The following KANSL1L variants were observed in gnomAD, a reference collection of about 807,000 sequenced individuals.
KANSL1L encodes the protein KAT8 regulatory NSL complex subunit 1 like, also known as KAT8 regulatory NSL complex subunit 1-like protein.
A neutral mutation model predicts 108.6 loss-of-function variants in KANSL1L; 25 were observed. That is an observed-to-expected ratio of 0.23 (90% CI 0.17 to 0.32). KANSL1L has a LOEUF of 0.32. Among genes scored for constraint, KANSL1L ranks in the 10% least tolerant of loss-of-function variants. The pLI, the probability that KANSL1L is intolerant of heterozygous loss-of-function variation, is 1.00. For missense variants in KANSL1L, 1,137 were observed against 1,125.7 expected (o/e 1.01, Z -0.14); for synonymous variants, 405 against 395.1 (o/e 1.03, Z -0.30).
intron 3 of KANSL1L, among the ~76,000 whole-genome samples, chr2:210,128,725 A>C (rs997043095): frequency 1.3e-5 from 2 of 152,160 alleles, no homozygotes; most frequent in African/African-American, 4.8e-5. Context: ...TACACTCAAA[A>C]ATGGTTAAGA....
intron 4 of KANSL1L, among the ~76,000 whole-genome samples, chr2:210,102,850 C>A (rs576790993): frequency 1.3e-5 from 2 of 152,178 alleles, no homozygotes; most frequent in Non-Finnish European, 2.9e-5. Context: ...GAAATAGGAA[C>A]ACTTTTACAC....
At chr2:210,133,804 C>T (rs572566606) in intron 2 of KANSL1L, among the ~76,000 whole-genome samples, 79 of 152,206 alleles carry the variant, frequency 5.2e-4, no homozygotes, top group African/African-American at 1.6e-3. Context: ...TCTTCATCCA[C>T]GAGTTATTTG....
At chr2:210,168,286 C>G (rs1688106615) in intron 1 of KANSL1L, among the ~76,000 whole-genome samples, 1 of 152,060 alleles carries the variant, frequency 6.6e-6, no homozygotes, top group African/African-American at 2.4e-5. Context: ...AAGAAAGCAG[C>G]TCTCTGCCTC....
chr2:210,109,970 C>A (rs2094888530), intron 3 of KANSL1L, among the ~76,000 whole-genome samples: 1 of 152,086 alleles, frequency 6.6e-6, no homozygotes, highest in South Asian at 2.1e-4. Context: ...TAAGTCTTGG[C>A]CAGTAAAAGG....
intron 2 of KANSL1L, among the ~76,000 whole-genome samples, chr2:210,136,955 C>T: frequency 6.6e-6 from 1 of 152,102 alleles, no homozygotes; most frequent in Non-Finnish European, 1.5e-5. Context: ...CCAGACCACA[C>T]AATACCTAAG....
intron 4 of KANSL1L, among the ~76,000 whole-genome samples, chr2:210,103,162 T>C (rs965799176): frequency 2.0e-5 from 3 of 152,168 alleles, no homozygotes; most frequent in African/African-American, 4.8e-5. Flanking sequence ...TTCATGTCCT[T>C]TGTAGGGACA....
At chr2:210,142,286 A>G (rs955165578) in intron 2 of KANSL1L, among the ~76,000 whole-genome samples, 1 of 152,076 alleles carries the variant, frequency 6.6e-6, no homozygotes, top group African/African-American at 2.4e-5. Context: ...TTGTTGGCAT[A>G]GAGATGTTGC....
At chr2:210,059,636 G>A (rs1257884362) in intron 6 of KANSL1L, among the ~76,000 whole-genome samples, 13 of 152,160 alleles carry the variant, frequency 8.5e-5, no homozygotes, top group Admixed American at 3.9e-4. Flanking sequence ...AGAAGTCCCT[G>A]GAGTACAGAA....
chr2:210,136,883 C>T (rs2095178605), intron 2 of KANSL1L, among the ~76,000 whole-genome samples: 1 of 152,140 alleles, frequency 6.6e-6, no homozygotes, highest in Admixed American at 6.6e-5. Flanking sequence ...ACAATATATG[C>T]ACTTCTGTAT....
intron 5 of KANSL1L, among the ~76,000 whole-genome samples, chr2:210,077,211 C>T (rs1489711369): frequency 6.6e-6 from 1 of 152,062 alleles, no homozygotes; most frequent in Non-Finnish European, 1.5e-5. Context: ...TGATTATGCA[C>T]TACTGGCCAG....
intron 2 of KANSL1L, among the ~76,000 whole-genome samples, chr2:210,141,690 T>C (rs2095230460): frequency 6.6e-6 from 1 of 152,196 alleles, no homozygotes; most frequent in Non-Finnish European, 1.5e-5. Flanking sequence ...TGCCACTAAA[T>C]TGGATGTTAA....
intron 6 of KANSL1L, among the ~76,000 whole-genome samples, chr2:210,058,244 C>A (rs560190710): frequency 8.7e-4 from 132 of 152,268 alleles, no homozygotes; most frequent in African/African-American, 3.0e-3. Flanking sequence ...ATGAAATAAG[C>A]CCCAGTCTCC....
chr2:210,093,004 A>G (rs767857558), intron 5 of KANSL1L, among the ~76,000 whole-genome samples: 1 of 152,070 alleles, frequency 6.6e-6, no homozygotes, highest in Non-Finnish European at 1.5e-5. Flanking sequence ...GGGGAAAGGG[A>G]AACAGTTTTA....
chr2:210,048,683 TCATTTCTA>T (rs1404244193), intron 6 of KANSL1L, among the ~76,000 whole-genome samples: 2 of 152,142 alleles, frequency 1.3e-5, no homozygotes, highest in Non-Finnish European at 2.9e-5. Context: ...TTTTGTTTGT[TCATTTCTA>T]CTGACTCTCA....
chr2:210,115,776 C>T (rs1280048231), intron 3 of KANSL1L, among the ~76,000 whole-genome samples: 1 of 152,164 alleles, frequency 6.6e-6, no homozygotes, highest in Non-Finnish European at 1.5e-5. Context: ...TTTCCTTCTA[C>T]CAATCACCTG....
intron 2 of KANSL1L, among the ~76,000 whole-genome samples, chr2:210,135,391 C>T (rs2095164831): frequency 6.6e-6 from 1 of 152,138 alleles, no homozygotes; most frequent in African/African-American, 2.4e-5. Flanking sequence ...TATCCATCCT[C>T]CTATACTTTT....
At chr2:210,074,423 C>A (rs972822033) in intron 6 of KANSL1L, among the ~76,000 whole-genome samples, 2 of 152,154 alleles carry the variant, frequency 1.3e-5, no homozygotes, top group African/African-American at 4.8e-5. Flanking sequence ...AGAACATGGG[C>A]TTTGGAATCA....
intron 4 of KANSL1L, among the ~76,000 whole-genome samples, chr2:210,100,292 G>C (rs920382944): frequency 2.0e-5 from 3 of 152,110 alleles, no homozygotes; most frequent in Non-Finnish European, 4.4e-5. Flanking sequence ...CCACCCTGCG[G>C]AAAAATTGTC....
At chr2:210,040,338 T>G (rs553845693) in intron 8 of KANSL1L, 82 bp downstream of exon 8, 7 of 715,562 alleles carry the variant, frequency 9.8e-6, no homozygotes, top group African/African-American at 1.8e-5. Context: ...TTCTTAGATT[T>G]TATTTTTCTT....
Sources: gnomAD v4.1 joint callset for allele counts (sites outside exome capture counted in the v4.1 genomes callset) on GRCh38, gnomAD v4.1.1 for gene constraint, MANE v1.5 for transcripts, NCBI Gene and HGNC (gene_info 2026-07-23, HGNC 2026-07-21) for gene names.